The following CIB4 variants were observed in gnomAD, a reference collection of about 807,000 sequenced individuals.
The protein encoded by CIB4 is calcium and integrin-binding family member 4.
Under a neutral mutation model 25.8 loss-of-function variants are expected in CIB4, and 25 were observed. That is an observed-to-expected ratio of 0.97 (90% CI 0.71 to 1.35). CIB4 has a LOEUF of 1.35. Ranked by LOEUF, CIB4 falls within the 40% of genes most tolerant of loss-of-function variation. The pLI is 0.00. For synonymous variants in CIB4, 75 were observed against 81.4 expected (o/e 0.92, Z 0.42); for missense variants, 235 against 228.2 (o/e 1.03, Z -0.19).
At chr2:26,634,037 C>G (rs1669485477) in intron 2 of CIB4, among the ~76,000 whole-genome samples, 1 of 152,184 alleles carries the variant, frequency 6.6e-6, no homozygotes, top group East Asian at 1.9e-4. Flanking sequence ...CTTAGTAGTT[C>G]TCAACGGGGT....
intron 3 of CIB4, among the ~76,000 whole-genome samples, chr2:26,607,257 A>G (rs535742484): frequency 6.6e-6 from 1 of 152,324 alleles, no homozygotes; most frequent in South Asian, 2.1e-4. Flanking sequence ...TGACATCTAC[A>G]AGATTTTCCC....
intron 3 of CIB4, among the ~76,000 whole-genome samples, chr2:26,607,337 G>C (rs1668908603): frequency 6.6e-6 from 1 of 152,024 alleles, no homozygotes; most frequent in African/African-American, 2.4e-5. Flanking sequence ...GAGCAAAAAA[G>C]AACAAAAAAG....
intron 4 of CIB4, among the ~76,000 whole-genome samples, chr2:26,594,210 A>T (rs1668638401): frequency 6.6e-6 from 1 of 152,210 alleles, no homozygotes; most frequent in Non-Finnish European, 1.5e-5. Flanking sequence ...TATAGTTGCT[A>T]TCTGCAGGAG....
In CIB4 at chr2:26,611,372, G is replaced by A. The variant is rs565993183; in HGVS notation, c.187-16055C>T. 1.7e-4 allele frequency among the ~76,000 whole-genome samples: 26 copies of A among 152,322 alleles called. No homozygotes were observed. The South Asian group carries it at 3.9e-3, about 23-fold the overall frequency. On this transcript the variant is annotated intron_variant, in intron 3 of 6. Coordinates refer to ENST00000288861, the MANE Select transcript of CIB4 (RefSeq NM_001029881.3). ...AGCTGCCTATTGAAAAACCACATGC[G>A]AAGAGACCTTTATGGAGTCATGTCA...
At chr2:26,582,282 C>A (rs116106194) in intron 6 of CIB4, among the ~76,000 whole-genome samples, 88 of 152,328 alleles carry the variant, frequency 5.8e-4, no homozygotes, top group Middle Eastern at 3.4e-3. Context: ...ACGCATCTCC[C>A]GAAAGCAGCA....
Position 26,629,412 on chromosome 2 carries a change from G to C in CIB4, c.184C>G (p.Arg62Gly). The change falls in exon 3 of 7, where the codon CGG (arginine) becomes GGG (glycine). Residue 62 changes from arginine (R) to glycine (G), a missense_variant and splice_region_variant. Transcript: ENST00000288861. ...MDQVSSLPAL[R>G]VNPFRDRICR... ...CCCACCCACCATCCTGGACTCACCC[G>C]CAGAGCTGGCAGGGAGCTGACCTGG... 6.4e-7 allele frequency: 1 copy of C among 1,551,592 alleles called. No homozygotes were observed. The highest frequency in any genetic ancestry group is 8.7e-7 in the Non-Finnish European group (1 of 1,145,166).
intron 3 of CIB4, among the ~76,000 whole-genome samples, chr2:26,609,913 C>T (rs1371020599): frequency 6.6e-6 from 1 of 152,180 alleles, no homozygotes; most frequent in Non-Finnish European, 1.5e-5. Flanking sequence ...GCAGTTAGTT[C>T]AAAGCAAGAG....
intron 3 of CIB4, among the ~76,000 whole-genome samples, chr2:26,618,366 G>A (rs888061985): frequency 1.2e-4 from 18 of 152,178 alleles, no homozygotes; most frequent in Non-Finnish European, 2.5e-4. Context: ...GCTCACTGCA[G>A]CCTCAACCTC....
Position 26,583,796 on chromosome 2 carries a change from G to A in CIB4, c.431C>T (p.Thr144Met), listed in dbSNP as rs199690949. 420 of 1,600,576 alleles carry A rather than the reference G, an allele frequency of 2.6e-4. 2 individuals carry two copies. The highest frequency in any genetic ancestry group is 7.9e-4 in the Middle Eastern group (4 of 5,052). Residue 144 changes from threonine (T) to methionine (M), a missense_variant, in exon 5 of 7, where the codon ACG (threonine) becomes ATG (methionine). Transcript: ENST00000288861. Reference sequence around the variant, plus strand: ...CCAGCCCCCAGCACACACGTGGTTCGTGAGGTCCATCAGGAGGTCCTCAGA... The same window carrying A: ...CCAGCCCCCAGCACACACGTGGTTCATGAGGTCCATCAGGAGGTCCTCAGA... ...DMSEDLLMDL[T>M]NHVLSESDLD...
At chr2:26,584,967 G>A (rs898557515) in intron 4 of CIB4, among the ~76,000 whole-genome samples, 10 of 152,276 alleles carry the variant, frequency 6.6e-5, no homozygotes, top group East Asian at 3.9e-4. Context: ...CCACCGTCCC[G>A]CCAGTCGGGG....
At chr2:26,619,278 C>G (rs732990) in intron 3 of CIB4, among the ~76,000 whole-genome samples, 70,945 of 151,944 alleles carry the variant, frequency 0.47, 17,797 homozygotes, top group Middle Eastern at 0.58. Flanking sequence ...TCCGGAGGTG[C>G]CTGGCTGCTG....
chr2:26,589,884 C>T (rs181251908), intron 4 of CIB4, among the ~76,000 whole-genome samples: 2 of 152,266 alleles, frequency 1.3e-5, no homozygotes, highest in East Asian at 3.9e-4. Flanking sequence ...ATCCCTTCTC[C>T]TATCACCTTT....
At chr2:26,626,331 C>T (rs532843478) in intron 3 of CIB4, among the ~76,000 whole-genome samples, 11 of 34,642 alleles carry the variant, frequency 3.2e-4, no homozygotes, top group Middle Eastern at 0.018. Context: ...GTTCAAAAGA[C>T]GGTTCTGGCT....
At chr2:26,640,865 C>T (rs1336892679) in intron 1 of CIB4, among the ~76,000 whole-genome samples, 3 of 152,192 alleles carry the variant, frequency 2.0e-5, no homozygotes, top group East Asian at 3.9e-4. Context: ...AGGAAGGTAA[C>T]CTTAGAGATC....
intron 3 of CIB4, among the ~76,000 whole-genome samples, chr2:26,597,978 G>A (rs1325651076): frequency 1.3e-5 from 2 of 151,762 alleles, no homozygotes; most frequent in African/African-American, 4.8e-5. Flanking sequence ...CTTGGAAATG[G>A]ATCCCTCTAA....
intron 4 of CIB4, among the ~76,000 whole-genome samples, chr2:26,593,482 G>A (rs1417962124): frequency 6.9e-6 from 1 of 145,608 alleles, no homozygotes; most frequent in Non-Finnish European, 1.5e-5. Context: ...CATATAAATA[G>A]CCTATTGGTT....
At chr2:26,628,200 T>G (rs1301186501) in intron 3 of CIB4, among the ~76,000 whole-genome samples, 1 of 152,206 alleles carries the variant, frequency 6.6e-6, no homozygotes, top group African/African-American at 2.4e-5. Context: ...AGTCCTTTAT[T>G]GTGTGCCTCT....
chr2:26,633,506 C>A (rs1400367120), intron 2 of CIB4, among the ~76,000 whole-genome samples: 1 of 152,182 alleles, frequency 6.6e-6, no homozygotes, highest in Admixed American at 6.5e-5. Flanking sequence ...GAGTCACCCC[C>A]CTGGAAAGTC....
At chr2:26,584,700 C>T (rs1372680315) in intron 4 of CIB4, among the ~76,000 whole-genome samples, 3 of 152,204 alleles carry the variant, frequency 2.0e-5, no homozygotes, top group Non-Finnish European at 4.4e-5. Context: ...AGGGAGCCTG[C>T]AGACCATGGC....
Sources: gnomAD v4.1 joint callset for allele counts (sites outside exome capture counted in the v4.1 genomes callset) on GRCh38, gnomAD v4.1.1 for gene constraint, MANE v1.5 for transcripts, NCBI Gene and HGNC (gene_info 2026-07-23, HGNC 2026-07-21) for gene names.